CNOT2: variants seen among roughly 807,000 people sequenced by gnomAD.
The protein encoded by CNOT2 is CC chemokine receptor 4-negative regulator of transcription 2.
A neutral mutation model predicts 72.1 loss-of-function variants in CNOT2; 7 were observed. That is an observed-to-expected ratio of 0.10 (90% CI 0.06 to 0.18). The LOEUF (loss-of-function observed/expected upper bound fraction) is 0.18, where lower values mean the gene tolerates loss of function less well. CNOT2 is among the 10% of genes least tolerant of loss of function. The pLI, the probability that CNOT2 is intolerant of heterozygous loss-of-function variation, is 1.00. For synonymous variants in CNOT2, 196 were observed against 225.6 expected, an observed-to-expected ratio of 0.87 and a Z score of 1.17; for missense variants, 345 against 660.3, an observed-to-expected ratio of 0.52 and a Z score of 5.23.
intron 2 of CNOT2, chr12:70,297,811 C>A: frequency 3.1e-6 from 1 of 318,884 alleles, no homozygotes; most frequent in Non-Finnish European, 6.2e-6. Context: ...CATCTTGGCT[C>A]ACTGCAACCT....
chr12:70,351,973 GCAA>G (rs1882924181), intron 15 of CNOT2, among the ~76,000 whole-genome samples: 1 of 152,018 alleles, frequency 6.6e-6, no homozygotes, highest in Admixed American at 6.6e-5. Flanking sequence ...TCACATGAAG[GCAA>G]CCTTTTCAGG....
intron 1 of CNOT2, among the ~76,000 whole-genome samples, chr12:70,254,364 T>A (rs1284522244): frequency 1.3e-5 from 2 of 152,174 alleles, no homozygotes; most frequent in African/African-American, 2.4e-5. Flanking sequence ...TAGTTACTAA[T>A]GTGAATAAGG....
chr12:70,253,553 A>G (rs944167334), intron 1 of CNOT2, among the ~76,000 whole-genome samples: 4 of 152,174 alleles, frequency 2.6e-5, no homozygotes, highest in African/African-American at 9.7e-5. Flanking sequence ...AAGACTTCAC[A>G]CTTTGATTCA....
chr12:70,289,559 T>C (rs1871504040), intron 2 of CNOT2, among the ~76,000 whole-genome samples: 2 of 152,166 alleles, frequency 1.3e-5, no homozygotes, highest in Admixed American at 6.5e-5. Flanking sequence ...CTTTGAGGAC[T>C]CCAATTACGC....
chr12:70,298,275 C>A (rs1264525024), intron 2 of CNOT2, among the ~76,000 whole-genome samples: 1 of 152,128 alleles, frequency 6.6e-6, no homozygotes, highest in African/African-American at 2.4e-5. Context: ...AATATAAGGA[C>A]CTTCCTCCTC....
intron 15 of CNOT2, among the ~76,000 whole-genome samples, chr12:70,350,530 C>G (rs1039940281): frequency 1.3e-5 from 2 of 152,168 alleles, no homozygotes; most frequent in Admixed American, 6.5e-5. Flanking sequence ...CCTGAATACT[C>G]CAAAATCTGT....
chr12:70,293,940 T>TTTC, intron 2 of CNOT2: 1 of 146,202 alleles, frequency 6.8e-6, no homozygotes, highest in South Asian at 1.1e-4. Flanking sequence ...TTTTTTTTTT[T>TTTC]AAACTTAGTA....
chr12:70,329,505 G>A lies in CNOT2; in HGVS notation c.321G>A (p.Pro107=), dbSNP rs181208252. Residue 107 remains proline (P), a synonymous_variant, in exon 5 of 16, where the codon CCG becomes CCA. Coordinates refer to ENST00000229195, the MANE Select transcript of CNOT2 (RefSeq NM_014515.7). ...GCTTATCACAAGGCACTCAGTTACC[G>A]AGCCACGTCACGCCAACAACAGGGG... is the stretch of plus-strand genomic sequence containing the variant. ...NRSLSQGTQL[P]SHVTPTTGVP... is the part of the protein sequence containing the mutation. The A allele has an allele frequency of 1.7e-5, 28 of 1,611,436 alleles. No individual in the cohort carries two copies. The highest frequency in any genetic ancestry group is 8.9e-5 in the East Asian group (4 of 44,800).
intron 1 of CNOT2, among the ~76,000 whole-genome samples, chr12:70,247,470 A>C (rs964567413): frequency 9.9e-5 from 15 of 151,990 alleles, no homozygotes; most frequent in Admixed American, 8.5e-4. Flanking sequence ...CTTTTTATTC[A>C]TGTGTATGTT....
intron 1 of CNOT2, among the ~76,000 whole-genome samples, chr12:70,266,585 G>T (rs997119266): frequency 2.6e-5 from 4 of 152,116 alleles, no homozygotes; most frequent in African/African-American, 4.8e-5. Context: ...CTCCTTTCAG[G>T]CTTATTAGTT....
chr12:70,334,046 AT>A (rs1255102579), intron 7 of CNOT2, among the ~76,000 whole-genome samples: 7 of 152,004 alleles, frequency 4.6e-5, no homozygotes, highest in Non-Finnish European at 1.0e-4. Flanking sequence ...TGCTAGGAAA[AT>A]TCCCAATTCT....
intron 1 of CNOT2, among the ~76,000 whole-genome samples, chr12:70,266,447 C>T (rs1043162647): frequency 4.6e-5 from 7 of 152,104 alleles, no homozygotes; most frequent in Non-Finnish European, 1.0e-4. Flanking sequence ...CTATAAATGT[C>T]AATTAGATCT....
intron 6 of CNOT2, chr12:70,332,489 T>C (rs568464203): frequency 3.9e-6 from 1 of 255,680 alleles, no homozygotes; most frequent in East Asian, 8.9e-5. Context: ...CACAAAATGG[T>C]GCCCTGAATC....
intron 2 of CNOT2, among the ~76,000 whole-genome samples, chr12:70,280,372 G>A (rs1387906063): frequency 6.6e-6 from 1 of 152,090 alleles, no homozygotes; most frequent in Admixed American, 6.5e-5. Context: ...TAATTAACAA[G>A]AAGGTATTGT....
intron 2 of CNOT2, among the ~76,000 whole-genome samples, chr12:70,310,114 G>A (rs1345555617): frequency 6.6e-6 from 1 of 152,040 alleles, no homozygotes; most frequent in African/African-American, 2.4e-5. Context: ...AAGGATGTGT[G>A]TAGGTTATAT....
upstream of CNOT2, chr12:70,243,214 G>A (rs947244425): frequency 6.6e-6 from 1 of 152,576 alleles, no homozygotes; most frequent in African/African-American, 2.4e-5. Flanking sequence ...CCTGTGAGTC[G>A]GTGGGAGACA....
chr12:70,299,466 A>G (rs951026568), intron 2 of CNOT2, among the ~76,000 whole-genome samples: 8 of 148,188 alleles, frequency 5.4e-5, no homozygotes, highest in African/African-American at 2.0e-4. Context: ...GAGTGAGAAC[A>G]TGCGGTGTTT....
chr12:70,284,706 A>C (rs1297898408), intron 2 of CNOT2, among the ~76,000 whole-genome samples: 1 of 151,920 alleles, frequency 6.6e-6, no homozygotes, highest in Admixed American at 6.6e-5. Flanking sequence ...TGTGATGCTA[A>C]GTGTTAACCT....
chr12:70,327,232 CAAG>C (rs1250116624), intron 4 of CNOT2, among the ~76,000 whole-genome samples: 2 of 150,702 alleles, frequency 1.3e-5, no homozygotes, highest in African/African-American at 2.4e-5. Context: ...AAAAGTAGAA[CAAG>C]AAGAAAGAAA....
Sources: gnomAD v4.1 joint callset for allele counts (sites outside exome capture counted in the v4.1 genomes callset) on GRCh38, gnomAD v4.1.1 for gene constraint, MANE v1.5 for transcripts, NCBI Gene and HGNC (gene_info 2026-07-23, HGNC 2026-07-21) for gene names.